Variants in IKZF2 observed in about 807,000 individuals in gnomAD.
IKZF2 encodes zinc finger protein Helios.
Under a neutral mutation model 49.2 loss-of-function variants are expected in IKZF2, and 15 were observed. The ratio of observed to expected loss-of-function variants is 0.30; its 90% CI spans 0.20 to 0.47. The LOEUF is 0.47. Among genes scored for constraint, IKZF2 ranks in the 20% least tolerant of loss-of-function variants. The probability of loss-of-function intolerance (pLI) is 1.00; values close to 1 mark genes in which losing one functional copy is unlikely to be tolerated. For missense variants in IKZF2, 567 were observed against 664.6 expected, an observed-to-expected ratio of 0.85 and a Z score of 1.61; for synonymous variants, 227 against 221.4, an observed-to-expected ratio of 1.03 and a Z score of -0.23.
chr2:213,126,240 G>C (rs996620541), intron 4 of IKZF2, among the ~76,000 whole-genome samples: 1 of 152,102 alleles, frequency 6.6e-6, no homozygotes, highest in Non-Finnish European at 1.5e-5. Context: ...CAGAACTTAC[G>C]TAATGGATGG....
At chr2:213,008,500 A>G (rs1441818089) in intron 8 of IKZF2, among the ~76,000 whole-genome samples, 4 of 152,014 alleles carry the variant, frequency 2.6e-5, no homozygotes, top group Non-Finnish European at 4.4e-5. Context: ...CCAAAGTGTT[A>G]CGATTACAGG....
At chr2:213,058,233 C>T (rs1701354401) in intron 4 of IKZF2, among the ~76,000 whole-genome samples, 1 of 152,036 alleles carries the variant, frequency 6.6e-6, no homozygotes, top group African/African-American at 2.4e-5. Flanking sequence ...AAAGTACTGG[C>T]ATTATAATCT....
intron 4 of IKZF2, among the ~76,000 whole-genome samples, chr2:213,073,877 G>C (rs774423651): frequency 6.6e-6 from 1 of 152,144 alleles, no homozygotes; most frequent in Non-Finnish European, 1.5e-5. Context: ...AGTAGAAAAA[G>C]ATAAATTTCC....
chr2:213,140,768 C>G (rs367984394), intron 4 of IKZF2, among the ~76,000 whole-genome samples: 3 of 151,870 alleles, frequency 2.0e-5, no homozygotes, highest in African/African-American at 7.2e-5. Flanking sequence ...GCACATAAAA[C>G]TCAATATAGA....
chr2:213,059,315 A>G (rs1255253768), intron 4 of IKZF2, among the ~76,000 whole-genome samples: 1 of 151,612 alleles, frequency 6.6e-6, no homozygotes, highest in African/African-American at 2.4e-5. Context: ...CTCTTTACTC[A>G]AGGGCATTTT....
At chr2:213,076,442 A>C (rs922086026) in intron 4 of IKZF2, among the ~76,000 whole-genome samples, 35 of 152,174 alleles carry the variant, frequency 2.3e-4, no homozygotes, top group African/African-American at 8.2e-4. Flanking sequence ...AAAATTAAAC[A>C]TGGTGGTTTG....
intron 6 of IKZF2, among the ~76,000 whole-genome samples, chr2:213,037,929 A>C (rs1024685181): frequency 6.6e-6 from 1 of 151,978 alleles, no homozygotes; most frequent in Admixed American, 6.6e-5. Context: ...ATTATACTAC[A>C]TTTAATGCAC....
chr2:213,072,932 C>T (rs919934167), intron 4 of IKZF2, among the ~76,000 whole-genome samples: 5 of 152,068 alleles, frequency 3.3e-5, no homozygotes, highest in African/African-American at 1.2e-4. Flanking sequence ...TTCTTCAATA[C>T]TCTCAAATGA....
chr2:213,070,714 C>A (rs779345269), intron 4 of IKZF2, among the ~76,000 whole-genome samples: 2 of 152,058 alleles, frequency 1.3e-5, no homozygotes, highest in Non-Finnish European at 2.9e-5. Context: ...CAGTACAGAA[C>A]GCCACATGGG....
intron 4 of IKZF2, among the ~76,000 whole-genome samples, chr2:213,135,029 G>T (rs189387610): frequency 2.0e-5 from 3 of 151,680 alleles, no homozygotes; most frequent in African/African-American, 4.8e-5. Context: ...AGTTATTTTC[G>T]CAGGTCCTAC....
chr2:213,121,270 C>T (rs1480962703), intron 4 of IKZF2, among the ~76,000 whole-genome samples: 2 of 152,072 alleles, frequency 1.3e-5, no homozygotes, highest in Admixed American at 6.6e-5. Flanking sequence ...TATTATGCTC[C>T]CTGATCCTAT....
chr2:213,146,713 G>A (rs1297675918), intron 4 of IKZF2, among the ~76,000 whole-genome samples: 1 of 125,358 alleles, frequency 8.0e-6, no homozygotes, highest in African/African-American at 3.0e-5. Flanking sequence ...TTACAAATAT[G>A]CTCATAATTA....
intron 4 of IKZF2, among the ~76,000 whole-genome samples, chr2:213,135,555 G>A (rs1333777790): frequency 1.3e-5 from 2 of 151,864 alleles, no homozygotes; most frequent in Non-Finnish European, 2.9e-5. Flanking sequence ...AAAATTAGCT[G>A]GGCATGGTGG....
At chr2:213,079,226 A>G (rs1282921172) in intron 4 of IKZF2, among the ~76,000 whole-genome samples, 2 of 151,976 alleles carry the variant, frequency 1.3e-5, no homozygotes, top group African/African-American at 2.4e-5. Flanking sequence ...AAAAAATTTA[A>G]AATGTAGCCA....
chr2:213,014,897 G>A (rs1251647900), intron 7 of IKZF2: 1 of 151,956 alleles, frequency 6.6e-6, no homozygotes, highest in African/African-American at 2.4e-5. Flanking sequence ...AGTTGCACTT[G>A]TGCCAGTACT....
intron 4 of IKZF2, among the ~76,000 whole-genome samples, chr2:213,141,760 T>C (rs1354121728): frequency 6.6e-6 from 1 of 151,960 alleles, no homozygotes; most frequent in Non-Finnish European, 1.5e-5. Flanking sequence ...CACTAGAGTA[T>C]GAGTTCCTGG....
In IKZF2 at chr2:213,060,737, A is replaced by G. The variant is rs114580497; in HGVS notation, c.140-3638T>C. On this transcript the variant is annotated intron_variant, in intron 4 of 8. Transcript: ENST00000434687. ...GTTAGCAATGAAAAGGGGATATGAG[A>G]CAAGATTTTAGTTTTGATGATAAAG... Among the ~76,000 whole-genome samples, 583 of 151,630 alleles carry G rather than the reference A, an allele frequency of 3.8e-3. 3 individuals are homozygous for G. Among genetic ancestry groups the G allele is most frequent in the African/African-American group, 0.013 (560 of 41,536 alleles).
chr2:213,055,483 T>G (rs1474386775), intron 5 of IKZF2, among the ~76,000 whole-genome samples: 1 of 152,118 alleles, frequency 6.6e-6, no homozygotes, highest in Non-Finnish European at 1.5e-5. Context: ...AAAATGTAAT[T>G]GACTGTATGA....
intron 5 of IKZF2, among the ~76,000 whole-genome samples, chr2:213,051,070 T>C (rs866026594): frequency 6.6e-6 from 1 of 152,190 alleles, no homozygotes. Flanking sequence ...ATGTCATGTT[T>C]CATATATCTT....
Sources: gnomAD v4.1 joint callset for allele counts (sites outside exome capture counted in the v4.1 genomes callset) on GRCh38, gnomAD v4.1.1 for gene constraint, MANE v1.5 for transcripts, NCBI Gene and HGNC (gene_info 2026-07-23, HGNC 2026-07-21) for gene names.